The following AMD1 variants were observed in gnomAD, a reference collection of about 807,000 sequenced individuals.
AMD1 encodes the protein S-adenosylmethionine decarboxylase proenzyme.
A neutral mutation model predicts 40.2 loss-of-function variants in AMD1; 11 were observed. The ratio of observed to expected loss-of-function variants is 0.27; its 90% CI spans 0.17 to 0.45. The LOEUF (loss-of-function observed/expected upper bound fraction) is 0.45. Among genes scored for constraint, AMD1 ranks in the 20% least tolerant of loss-of-function variants. The pLI is 1.00. For missense variants in AMD1, 257 were observed against 410.2 expected (o/e 0.63, Z 3.23); for synonymous variants, 121 against 130.8 (o/e 0.93, Z 0.51).
rs554404357 is a variant in AMD1 at position 110,894,988 on chromosome 6, C to T, written c.*1372C>T. 9 of 152,218 alleles carry T rather than the reference C, an allele frequency of 5.9e-5. No homozygotes were observed. The highest frequency in any genetic ancestry group is 1.9e-4 in the East Asian group (1 of 5,190). 9.4% of individuals were successfully genotyped at this position (152,218 alleles called of 1,614,324 possible). On this transcript the variant is annotated 3_prime_UTR_variant, in exon 9 of 9. Transcript: ENST00000368885. The stretch of plus-strand genomic sequence containing the variant: ...AATAGAATAATAAAATTCCAAAATA[C>T]TCAATGGGAAATGACTAGTAATATA...
At chr6:110,880,397 T>TTTGATTTTA (rs1350967687) in intron 1 of AMD1, among the ~76,000 whole-genome samples, 1 of 152,220 alleles carries the variant, frequency 6.6e-6, no homozygotes, top group Admixed American at 6.5e-5. Flanking sequence ...TTTGTCTGTT[T>TTTGATTTTA]TTGATTTTAT....
the AMD1 span, among the ~76,000 whole-genome samples, chr6:110,816,686 T>C: frequency 4.1e-5 from 3 of 73,574 alleles, no homozygotes; most frequent in Admixed American, 1.6e-4. Context: ...AAGTCAACCT[T>C]TATTCACCTT....
chr6:110,847,209 A>G, the AMD1 span, among the ~76,000 whole-genome samples: 1 of 152,008 alleles, frequency 6.6e-6, no homozygotes, highest in Non-Finnish European at 1.5e-5. Flanking sequence ...AGAAGCTAAA[A>G]CTGTAGCCCA....
chr6:110,831,014 T>G, the AMD1 span, among the ~76,000 whole-genome samples: 1 of 152,180 alleles, frequency 6.6e-6, no homozygotes, highest in African/African-American at 2.4e-5. Flanking sequence ...CAAGCATGTG[T>G]CTGGGTGTGG....
the AMD1 span, among the ~76,000 whole-genome samples, chr6:110,853,236 C>T: frequency 0.14 from 21,434 of 151,498 alleles, 1,707 homozygotes; most frequent in East Asian, 0.31. Context: ...AATTCTCCTG[C>T]GTCAGCCTCC....
At chr6:110,837,325 A>C in the AMD1 span, among the ~76,000 whole-genome samples, 1 of 151,730 alleles carries the variant, frequency 6.6e-6, no homozygotes, top group Non-Finnish European at 1.5e-5. Context: ...AAAAAAAAAA[A>C]AGGAAAAGTA....
intron 1 of AMD1, among the ~76,000 whole-genome samples, chr6:110,880,558 C>T (rs781213243): frequency 3.8e-4 from 58 of 152,164 alleles, no homozygotes; most frequent in Non-Finnish European, 7.6e-4. Flanking sequence ...AAAAGTCCAA[C>T]TTAATTTTGT....
At chr6:110,843,145 A>G in the AMD1 span, among the ~76,000 whole-genome samples, 1 of 151,342 alleles carries the variant, frequency 6.6e-6, no homozygotes, top group Non-Finnish European at 1.5e-5. Context: ...AAAAAAGTCT[A>G]AAAAACATAT....
chr6:110,841,863 C>T, the AMD1 span, among the ~76,000 whole-genome samples: 1 of 151,988 alleles, frequency 6.6e-6, no homozygotes, highest in African/African-American at 2.4e-5. Flanking sequence ...AGTGCAGTGG[C>T]ATGATCTCAA....
intron 1 of AMD1, among the ~76,000 whole-genome samples, chr6:110,879,761 C>T (rs1169785445): frequency 6.6e-6 from 1 of 152,112 alleles, no homozygotes; most frequent in African/African-American, 2.4e-5. Context: ...GGATAAATTA[C>T]CTGAACTCTG....
chr6:110,833,980 G>C, the AMD1 span, among the ~76,000 whole-genome samples: 1 of 151,682 alleles, frequency 6.6e-6, no homozygotes, highest in Non-Finnish European at 1.5e-5. Flanking sequence ...TTTTTAGACT[G>C]TCACCCAGGC....
the AMD1 span, among the ~76,000 whole-genome samples, chr6:110,843,493 C>T: frequency 1.3e-5 from 2 of 148,812 alleles, no homozygotes; most frequent in Admixed American, 1.3e-4. Flanking sequence ...AAAAAACACA[C>T]AAGAAAATAA....
the AMD1 span, among the ~76,000 whole-genome samples, chr6:110,852,442 G>A: frequency 1.3e-5 from 2 of 151,572 alleles, no homozygotes; most frequent in Non-Finnish European, 1.5e-5. Context: ...GGCTGTTCTC[G>A]AACTCCTGAC....
the AMD1 span, among the ~76,000 whole-genome samples, chr6:110,826,589 G>C: frequency 6.6e-6 from 1 of 152,012 alleles, no homozygotes; most frequent in South Asian, 2.1e-4. Context: ...TGAAAGCCTC[G>C]GCAGTCCTTG....
chr6:110,838,870 G>A, the AMD1 span, among the ~76,000 whole-genome samples: 1 of 152,226 alleles, frequency 6.6e-6, no homozygotes, highest in South Asian at 2.1e-4. Context: ...CTGGGTTCAA[G>A]GGATTCTCCT....
At chr6:110,885,208 C>G (rs907102117) in intron 1 of AMD1, among the ~76,000 whole-genome samples, 1 of 152,070 alleles carries the variant, frequency 6.6e-6, no homozygotes, top group Non-Finnish European at 1.5e-5. Flanking sequence ...TCTCCATCTC[C>G]CGCATTCAGT....
At chr6:110,889,019 A>G in intron 3 of AMD1, 36 bp downstream of exon 3, 1 of 1,606,356 alleles carries the variant, frequency 6.2e-7, no homozygotes. Flanking sequence ...TTTCAGGCAT[A>G]AATGTTAGCG....
At chr6:110,837,044 C>A in the AMD1 span, among the ~76,000 whole-genome samples, 1 of 151,620 alleles carries the variant, frequency 6.6e-6, no homozygotes, top group Non-Finnish European at 1.5e-5. Context: ...GTAGTCCTAA[C>A]TACTTGAGAG....
the AMD1 span, among the ~76,000 whole-genome samples, chr6:110,863,388 T>A: frequency 4.7e-5 from 7 of 150,156 alleles, no homozygotes; most frequent in South Asian, 8.4e-4. Context: ...TTTTTTTTTT[T>A]AGACAGAGTC....
Sources: gnomAD v4.1 joint callset for allele counts (sites outside exome capture counted in the v4.1 genomes callset) on GRCh38, gnomAD v4.1.1 for gene constraint, MANE v1.5 for transcripts, NCBI Gene and HGNC (gene_info 2026-07-23, HGNC 2026-07-21) for gene names.